The following MDM2 variants were observed in gnomAD, a reference collection of about 807,000 sequenced individuals.
MDM2 encodes the protein E3 ubiquitin-protein ligase Mdm2.
A neutral mutation model predicts 64.3 loss-of-function variants in MDM2; 11 were observed. That is an observed-to-expected ratio of 0.17 (90% CI 0.11 to 0.28). The LOEUF is 0.28. Ranked by LOEUF, MDM2 falls within the 10% of genes least tolerant of loss-of-function variation. The pLI, the probability that MDM2 is intolerant of heterozygous loss-of-function variation, is 1.00. For missense variants in MDM2, 388 were observed against 577.1 expected (o/e 0.67, Z 3.36); for synonymous variants, 194 against 192.9 (o/e 1.01, Z -0.05).
intron 8 of MDM2, among the ~76,000 whole-genome samples, chr12:68,832,574 T>C (rs1239994183): frequency 4.6e-5 from 7 of 152,120 alleles, no homozygotes; most frequent in African/African-American, 1.7e-4. Context: ...GTGCAGCGCA[T>C]GATCATGGCT....
chr12:68,824,116 C>A, intron 5 of MDM2: 1 of 442,142 alleles, frequency 2.3e-6, no homozygotes, highest in East Asian at 3.6e-5. Flanking sequence ...TCCTGTCTCT[C>A]TGCTAATTTA....
In MDM2 at chr12:68,833,371, GTA is replaced by G. The variant is rs1220264297; in HGVS notation, c.685-2452_685-2451del. On this transcript the variant is annotated intron_variant, in intron 8 of 10. Coordinates refer to ENST00000258149, the MANE Select transcript of MDM2 (RefSeq NM_002392.6). ...TGTAAATATAAATGGGCAGGCACCTGTATATATTATATATATTACTATTTATA... is the reference window on the plus strand; with the variant it reads ...TGTAAATATAAATGGGCAGGCACCTGTATATTATATATATTACTATTTATA... Among the ~76,000 whole-genome samples, 13 of 76,194 alleles carry G rather than the reference GTA, an allele frequency of 1.7e-4. No individual in the cohort carries two copies. The South Asian group carries it at 4.0e-3, about 23-fold the overall frequency. The allele number at this position is 76,194 out of a possible 152,430, so 50.0% of individuals were successfully genotyped here.
chr12:68,824,451 A>AT (rs1316540832), intron 6 of MDM2, 21 bp downstream of exon 6: 1 of 1,607,696 alleles, frequency 6.2e-7, no homozygotes, highest in African/African-American at 1.3e-5. Flanking sequence ...TAAATTTCTC[A>AT]TTCTAATGTA....
At chr12:68,833,331 A>ATTTTTATATTTATAT (rs1565744202) in intron 8 of MDM2, among the ~76,000 whole-genome samples, 2 of 74,112 alleles carry the variant, frequency 2.7e-5, no homozygotes, top group African/African-American at 8.2e-5. Context: ...ATATAAATAT[A>ATTTTTATATTTATAT]AAAATATATA....
intron 7 of MDM2, chr12:68,828,219 A>G (rs1592588443): frequency 1.3e-5 from 2 of 152,516 alleles, no homozygotes; most frequent in East Asian, 3.9e-4. Context: ...TCGGAAAAAA[A>G]CAGATGAGCT....
chr12:68,842,405 A>G lies in MDM2; in HGVS notation c.*2556A>G. 4.1e-6 allele frequency: 2 copies of G among 484,648 alleles called. No homozygotes were observed. The highest frequency in any genetic ancestry group is 1.6e-5 in the South Asian group (1 of 63,974). The allele number at this position is 484,648 out of a possible 1,614,324, so 30.0% of individuals were successfully genotyped here. On this transcript the variant is annotated 3_prime_UTR_variant, in exon 11 of 11. Coordinates refer to ENST00000258149, the MANE Select transcript of MDM2 (RefSeq NM_002392.6). ...TTTCCTAAAAATCTCATTATCTATA[A>G]CCATTTCTATATTTACATTTGAAAA...
Position 68,843,713 on chromosome 12 carries a change from C to T in MDM2, c.*3864C>T, listed in dbSNP as rs896795505. ...TTGCTTCAAAACTCTCTCTCTCTCT[C>T]TCTGTCTGTCTCAATAAATGGCCAA... On this transcript the variant is annotated 3_prime_UTR_variant, in exon 11 of 11. Transcript: ENST00000258149. 1 of 222,044 alleles carries T rather than the reference C, an allele frequency of 4.5e-6. No individual in the cohort carries two copies. The highest frequency in any genetic ancestry group is 9.0e-6 in the Non-Finnish European group (1 of 111,252). 13.8% of individuals were successfully genotyped at this position (222,044 alleles called of 1,614,324 possible).
At chr12:68,829,082 A>G (rs1882585853) in intron 8 of MDM2, 151 bp downstream of exon 8, 1 of 762,428 alleles carries the variant, frequency 1.3e-6, no homozygotes, top group African/African-American at 1.8e-5. Flanking sequence ...AAACTACTAT[A>G]TTGATCTCCA....
chr12:68,850,396 A>T (rs1372664796), downstream of MDM2: 4 of 152,182 alleles, frequency 2.6e-5, no homozygotes, highest in African/African-American at 9.7e-5. Flanking sequence ...AAACAGAGAA[A>T]CTATTTCCTG....
At chr12:68,825,593 C>T (rs887913360) in intron 7 of MDM2, among the ~76,000 whole-genome samples, 1 of 152,162 alleles carries the variant, frequency 6.6e-6, no homozygotes, top group Non-Finnish European at 1.5e-5. Context: ...GCAGAGCTTA[C>T]AGTGAGCCGA....
chr12:68,846,687 A>C (rs117084239), downstream of MDM2: 1 of 152,218 alleles, frequency 6.6e-6, no homozygotes, highest in Non-Finnish European at 1.5e-5. Flanking sequence ...GTTCTACTGG[A>C]TTATTTTAGA....
chr12:68,840,822 A>C lies in MDM2; in HGVS notation c.*973A>C, dbSNP rs1353323474. ...ATGTCCAGCCAAGAATTAGTATTTA[A>C]ATTTTAGATACTCTTTTTTTTTTTT... On this transcript the variant is annotated 3_prime_UTR_variant, in exon 11 of 11. Transcript: ENST00000258149. 1 of 154,486 alleles carries C rather than the reference A, an allele frequency of 6.5e-6. No homozygotes were observed. The highest frequency in any genetic ancestry group is 1.4e-5 in the Non-Finnish European group (1 of 73,946). 9.6% of individuals were successfully genotyped at this position (154,486 alleles called of 1,614,324 possible).
At chr12:68,814,095 C>G (rs1466790074) in intron 3 of MDM2, among the ~76,000 whole-genome samples, 1 of 152,248 alleles carries the variant, frequency 6.6e-6, no homozygotes, top group African/African-American at 2.4e-5. Context: ...CTCTGTCACC[C>G]AAGCTGGAGT....
chr12:68,811,759 AC>A (rs1880917278), intron 2 of MDM2, among the ~76,000 whole-genome samples: 2 of 151,360 alleles, frequency 1.3e-5, no homozygotes, highest in Admixed American at 1.3e-4. Context: ...CCACCTCCAC[AC>A]CCGGATAATT....
rs1458539083 is a variant in MDM2 at position 68,844,988 on chromosome 12, A to AGTCT, written c.*5139_*5140insGTCT. 2.1e-5 allele frequency: 4 copies of AGTCT among 194,098 alleles called. No homozygotes were observed. Among genetic ancestry groups the AGTCT allele is most frequent in the Non-Finnish European group, 3.2e-5 (3 of 93,230 alleles). 12.0% of individuals were successfully genotyped at this position (194,098 alleles called of 1,614,324 possible). A position where few individuals can be genotyped will look rare whatever the true frequency, so the allele number is the denominator to read the frequency against. ...TCACTATGTTGGCCAGGCTGGGCTC[A>AGTCT]AACTCCTGACCTCAAGTGATCTGCC... On this transcript the variant is annotated 3_prime_UTR_variant, in exon 11 of 11. Transcript: ENST00000258149.
chr12:68,848,603 G>A (rs774771672), downstream of MDM2: 1 of 152,212 alleles, frequency 6.6e-6, no homozygotes, highest in African/African-American at 2.4e-5. Context: ...TGGCTGAAAA[G>A]CCTTTTTAGA....
chr12:68,833,288 T>A lies in MDM2; in HGVS notation c.685-2541T>A, dbSNP rs1275932022. On this transcript the variant is annotated intron_variant, in intron 8 of 10. Coordinates refer to ENST00000258149, the MANE Select transcript of MDM2 (RefSeq NM_002392.6). ...AATTATATATTTATATAAATATAAA[T>A]ATATATATTTATATAAATATAAAAA... Among the ~76,000 whole-genome samples the A allele has an allele frequency of 3.2e-4, 31 of 98,336 alleles. 3 individuals are homozygous for A. In the South Asian group the frequency reaches 5.4e-3, roughly 17 times the overall value. The allele number at this position is 98,336 out of a possible 152,430, so 64.5% of individuals were successfully genotyped here.
intron 8 of MDM2, among the ~76,000 whole-genome samples, chr12:68,831,966 A>G (rs1354934446): frequency 6.6e-6 from 1 of 152,138 alleles, no homozygotes; most frequent in African/African-American, 2.4e-5. Context: ...GCTACTCAGG[A>G]GGCTGAGACA....
In MDM2 at chr12:68,841,732, T is replaced by G; in HGVS notation, c.*1883T>G. On this transcript the variant is annotated 3_prime_UTR_variant, in exon 11 of 11. Coordinates refer to ENST00000258149, the MANE Select transcript of MDM2 (RefSeq NM_002392.6). ...AACCCGTGAATTCAGAAAAGTTAAT[T>G]CAGAAATTTGATAAACAGAATTGTT... 1 of 205,688 alleles carries G rather than the reference T, an allele frequency of 4.9e-6. No homozygotes were observed. The highest frequency in any genetic ancestry group is 7.5e-5 in the East Asian group (1 of 13,324). 12.7% of individuals were successfully genotyped at this position (205,688 alleles called of 1,614,324 possible). A position where few individuals can be genotyped will look rare whatever the true frequency, so the allele number is the denominator to read the frequency against.
Sources: allele counts gnomAD v4.1 joint callset (sites outside exome capture counted in the v4.1 genomes callset), GRCh38; gene constraint gnomAD v4.1.1; transcripts MANE v1.5; gene names NCBI Gene and HGNC (gene_info 2026-07-23, HGNC 2026-07-21).